The following UNC5C variants were observed in gnomAD, a reference collection of about 807,000 sequenced individuals.
UNC5C encodes the protein unc-5 netrin receptor C, also known as netrin receptor UNC5C.
A neutral mutation model predicts 99.8 loss-of-function variants in UNC5C; 47 were observed. The ratio of observed to expected loss-of-function variants is 0.47; its 90% CI spans 0.37 to 0.60. The LOEUF is 0.60. UNC5C is among the 20% of genes least tolerant of loss of function. The pLI is 0.00. For synonymous variants in UNC5C, 487 were observed against 452.2 expected (o/e 1.08, Z -0.98); for missense variants, 1,062 against 1,165.9 (o/e 0.91, Z 1.30).
At chr4:95,256,428 C>CT (rs1229459606) in intron 4 of UNC5C, among the ~76,000 whole-genome samples, 6 of 152,010 alleles carry the variant, frequency 3.9e-5, no homozygotes, top group African/African-American at 1.4e-4. Flanking sequence ...GTGTTGACCA[C>CT]TTTTTTCCTC....
intron 1 of UNC5C, among the ~76,000 whole-genome samples, chr4:95,372,076 T>C (rs1178961568): frequency 6.6e-6 from 1 of 152,152 alleles, no homozygotes; most frequent in African/African-American, 2.4e-5. Flanking sequence ...CATAATTGTG[T>C]AAAACCCTAG....
intron 4 of UNC5C, among the ~76,000 whole-genome samples, chr4:95,257,336 C>G (rs143098780): frequency 2.3e-3 from 351 of 151,840 alleles, no homozygotes; most frequent in African/African-American, 8.0e-3. Context: ...CCTGGGAGGT[C>G]AAGGATATAG....
At chr4:95,373,403 G>A (rs1744802336) in intron 1 of UNC5C, among the ~76,000 whole-genome samples, 1 of 151,822 alleles carries the variant, frequency 6.6e-6, no homozygotes, top group Non-Finnish European at 1.5e-5. Flanking sequence ...ATCCTTCTAG[G>A]TATCCACATA....
At chr4:95,195,785 A>C (rs1400251530) in intron 12 of UNC5C, among the ~76,000 whole-genome samples, 5 of 151,780 alleles carry the variant, frequency 3.3e-5, no homozygotes, top group Non-Finnish European at 7.4e-5. Flanking sequence ...TGTTTCTTTC[A>C]TTCTTCTCTT....
chr4:95,297,776 TA>T lies in UNC5C; in HGVS notation c.490+3829del, dbSNP rs1042331973. Among the ~76,000 whole-genome samples, 90 of 152,334 alleles carry T rather than the reference TA, an allele frequency of 5.9e-4. 1 individual carries two copies. The highest frequency in any genetic ancestry group is 3.4e-3 in the Middle Eastern group (1 of 294). On this transcript the variant is annotated intron_variant, in intron 3 of 15. Coordinates refer to ENST00000453304, the MANE Select transcript of UNC5C (RefSeq NM_003728.4). ...CATCCAAGGTCTCAACAAAAGCTGT[TA>T]TCTCTACTTTTAAATATATCTGAAA...
At chr4:95,220,281 G>T in intron 7 of UNC5C, 105 bp from the exon 8 acceptor site, 2 of 1,081,778 alleles carry the variant, frequency 1.8e-6, no homozygotes, top group Non-Finnish European at 2.6e-6. Context: ...TTTTTTATAG[G>T]TTAATTTCAA....
At chr4:95,405,595 C>T (rs1303517166) in intron 1 of UNC5C, among the ~76,000 whole-genome samples, 1 of 152,128 alleles carries the variant, frequency 6.6e-6, no homozygotes, top group Admixed American at 6.5e-5. Context: ...CTTGAAATCT[C>T]AACATTTAAG....
intron 1 of UNC5C, among the ~76,000 whole-genome samples, chr4:95,350,990 G>A (rs1743966958): frequency 1.4e-5 from 2 of 147,806 alleles, no homozygotes; most frequent in Non-Finnish European, 3.0e-5. Context: ...GCTTCTCAGA[G>A]CAACATCTAG....
chr4:95,178,843 C>CTAT (rs1385598999), intron 14 of UNC5C, among the ~76,000 whole-genome samples: 1 of 152,188 alleles, frequency 6.6e-6, no homozygotes, highest in African/African-American at 2.4e-5. Context: ...CTCACTCAGC[C>CTAT]TATTTATTTC....
intron 3 of UNC5C, among the ~76,000 whole-genome samples, chr4:95,285,858 T>G (rs1741215039): frequency 6.6e-6 from 1 of 152,160 alleles, no homozygotes; most frequent in Admixed American, 6.5e-5. Flanking sequence ...TATTTTTTAT[T>G]GTAAGTCAAA....
rs1743299284 is a variant in UNC5C, at chr4:95,335,486, C to G, written c.270G>C (p.Gln90His). The change falls in exon 2 of 16, where the codon CAG becomes CAC. Residue 90 changes from glutamine to histidine, a missense_variant. Coordinates refer to ENST00000453304, the MANE Select transcript of UNC5C (RefSeq NM_003728.4). ...ATTCACTATTACACTTGAAATAGAT[C>G]TGGGTGGCAGGGCTTGCTTTACAGT... ...NLYCKASPAT[Q>H]IYFKCNSEWV... is the part of the protein sequence containing the mutation. 6.2e-7 allele frequency: 1 copy of G among 1,612,446 alleles called. No individual in the cohort carries two copies. The highest frequency in any genetic ancestry group is 8.5e-7 in the Non-Finnish European group (1 of 1,178,956).
rs1264935265 is a variant in UNC5C, at chr4:95,219,134, G to A, written c.1480C>T (p.Leu494Phe). 2 of 1,614,130 alleles carry A rather than the reference G, an allele frequency of 1.2e-6. No homozygotes were observed. The highest frequency in any genetic ancestry group is 1.1e-5 in the South Asian group (1 of 91,082). ...GACAGCTTGGACGTAAACTCAGAGA[G>A]GTCATCTTGGGGGGTGACAGCACCT... ...TSGAVTPQDD[L>F]SEFTSKLSPQ... Residue 494 changes from leucine to phenylalanine, a missense_variant, in exon 9 of 16, where the codon CTC becomes TTC. By Grantham distance (22) the Leu-to-Phe change is conservative. Around this residue, in one of 3 missense-constraint regions of UNC5C, gnomAD observed 810 missense variants for 854.5 expected, o/e 0.95. Coordinates refer to ENST00000453304, the MANE Select transcript of UNC5C (RefSeq NM_003728.4).
At chr4:95,236,025 G>T (rs143862366) in intron 7 of UNC5C, among the ~76,000 whole-genome samples, 7,369 of 152,248 alleles carry the variant, frequency 0.048, 228 homozygotes, top group Middle Eastern at 0.11. Context: ...AGACAGTGTG[G>T]CGATTCCTCA....
intron 1 of UNC5C, among the ~76,000 whole-genome samples, chr4:95,384,823 A>G (rs1745169227): frequency 6.6e-6 from 1 of 152,164 alleles, no homozygotes; most frequent in Non-Finnish European, 1.5e-5. Flanking sequence ...TCTTCGGAGA[A>G]GAGGGAACAA....
intron 10 of UNC5C, among the ~76,000 whole-genome samples, chr4:95,208,158 C>G (rs1455007532): frequency 1.3e-5 from 2 of 152,140 alleles, no homozygotes; most frequent in Non-Finnish European, 2.9e-5. Context: ...AGAGTATTTT[C>G]TTTGATTTGC....
In UNC5C at chr4:95,352,982, TA is replaced by T. The variant is rs1394229768; in HGVS notation, c.125-17352del. Among the ~76,000 whole-genome samples the T allele has an allele frequency of 3.3e-5, 5 of 152,312 alleles. No homozygotes were observed. The East Asian group carries it at 9.6e-4, about 29-fold the overall frequency. On this transcript the variant is annotated intron_variant, in intron 1 of 15. Transcript: ENST00000453304. Reference sequence around the variant, plus strand: ...CACACAACATGGCCCAAAGCTTATTTAATTTCCATTTCACTTAATACCATTC... The same window carrying T: ...CACACAACATGGCCCAAAGCTTATTTATTTCCATTTCACTTAATACCATTC...
chr4:95,445,701 C>A (rs1398516659), intron 1 of UNC5C, among the ~76,000 whole-genome samples: 1 of 151,896 alleles, frequency 6.6e-6, no homozygotes, highest in Non-Finnish European at 1.5e-5. Flanking sequence ...CAAGTTACTG[C>A]GAAACAAATG....
At chr4:95,443,737 G>A (rs950071159) in intron 1 of UNC5C, among the ~76,000 whole-genome samples, 6 of 151,946 alleles carry the variant, frequency 3.9e-5, no homozygotes, top group Non-Finnish European at 8.8e-5. Flanking sequence ...GTATAGAAAA[G>A]TTTATTTGAA....
chr4:95,454,046 G>T (rs1747359943), intron 1 of UNC5C, among the ~76,000 whole-genome samples: 1 of 152,120 alleles, frequency 6.6e-6, no homozygotes, highest in African/African-American at 2.4e-5. Flanking sequence ...GGTAGAGGAT[G>T]TTCTGCGGGG....
Sources: allele counts gnomAD v4.1 joint callset (sites outside exome capture counted in the v4.1 genomes callset), GRCh38; gene constraint gnomAD v4.1.1; regional missense constraint gnomAD v4.1.1; transcripts MANE v1.5; gene names NCBI Gene and HGNC (gene_info 2026-07-23, HGNC 2026-07-21).